AKAP6: variants seen among roughly 807,000 people sequenced by gnomAD.
AKAP6 encodes the protein A-kinase anchoring protein 6, also known as A-kinase anchor protein 6.
AKAP6 carries 58 observed loss-of-function variants against 188.5 expected under a neutral mutation model. That is an observed-to-expected ratio of 0.31 (90% CI 0.25 to 0.38). AKAP6 has a LOEUF of 0.38. Ranked by LOEUF, AKAP6 falls within the 10% of genes least tolerant of loss-of-function variation. The probability of loss-of-function intolerance (pLI) is 1.00; values close to 1 mark genes in which losing one functional copy is unlikely to be tolerated. For missense variants in AKAP6, 2,710 were observed against 2,740.0 expected (o/e 0.99, Z 0.24); for synonymous variants, 989 against 998.6 (o/e 0.99, Z 0.18).
intron 7 of AKAP6, among the ~76,000 whole-genome samples, chr14:32,629,010 A>G (rs576386729): frequency 1.3e-5 from 2 of 152,230 alleles, no homozygotes; most frequent in South Asian, 2.1e-4. Context: ...GAGAAATGGG[A>G]GGGATGTGCC....
intron 10 of AKAP6, 39 bp from the exon 11 acceptor site, chr14:32,735,619 T>TGGTC: frequency 1.4e-6 from 2 of 1,434,842 alleles, no homozygotes; most frequent in Non-Finnish European, 1.9e-6. Context: ...TTTTTTTGTT[T>TGGTC]GTTTGTTTTA....
rs35147196 is a variant in AKAP6, at chr14:32,330,713, A to ATTTTTT, written c.-35+1330_-35+1335dup. Among the ~76,000 whole-genome samples the ATTTTTT allele has an allele frequency of 3.7e-4, 23 of 62,414 alleles. 1 individual carries two copies. The highest frequency in any genetic ancestry group is 4.3e-4 in the Non-Finnish European group (15 of 34,952). 40.9% of individuals were successfully genotyped at this position (62,414 alleles called of 152,430 possible). Reference sequence around the variant, plus strand: ...CAATACCTTTAGCTAGCTTGGAGTGATTTTTTTTTTTTTTTTTTTTTTTTT... The same window carrying ATTTTTT: ...CAATACCTTTAGCTAGCTTGGAGTGATTTTTTTTTTTTTTTTTTTTTTTTTTTTTTT... On this transcript the variant is annotated intron_variant, in intron 1 of 13. Transcript: ENST00000280979.
chr14:32,447,007 T>C (rs1032225684), intron 2 of AKAP6, among the ~76,000 whole-genome samples: 1 of 152,202 alleles, frequency 6.6e-6, no homozygotes, highest in Admixed American at 6.5e-5. Flanking sequence ...AAGATAATTA[T>C]GTTTTCCTCT....
chr14:32,633,522 G>A (rs1280412380), intron 7 of AKAP6, among the ~76,000 whole-genome samples: 1 of 152,020 alleles, frequency 6.6e-6, no homozygotes, highest in Non-Finnish European at 1.5e-5. Flanking sequence ...TCAACTTTTA[G>A]CTTGGCTGGT....
chr14:32,786,338 T>C (rs1281741103), intron 12 of AKAP6, among the ~76,000 whole-genome samples: 1 of 133,360 alleles, frequency 7.5e-6, no homozygotes, highest in Non-Finnish European at 1.6e-5. Context: ...GACGGAATCT[T>C]GCTCTGTCGC....
chr14:32,494,092 A>C (rs1880182015), intron 2 of AKAP6, among the ~76,000 whole-genome samples: 1 of 152,216 alleles, frequency 6.6e-6, no homozygotes, highest in African/African-American at 2.4e-5. Context: ...ATGGCTATCC[A>C]TTCACGACAG....
intron 1 of AKAP6, among the ~76,000 whole-genome samples, chr14:32,381,337 C>G (rs1888353419): frequency 6.6e-6 from 1 of 151,298 alleles, no homozygotes; most frequent in African/African-American, 2.4e-5. Flanking sequence ...GAGACCCCAT[C>G]TCAAATAAAA....
intron 7 of AKAP6, among the ~76,000 whole-genome samples, chr14:32,635,561 G>T (rs547816847): frequency 6.6e-6 from 1 of 152,200 alleles, no homozygotes; most frequent in Admixed American, 6.5e-5. Flanking sequence ...CTGTCCTAGA[G>T]CTGGGAGCTA....
intron 9 of AKAP6, among the ~76,000 whole-genome samples, chr14:32,724,623 G>C (rs2030750041): frequency 6.6e-6 from 1 of 152,096 alleles, no homozygotes; most frequent in Admixed American, 6.5e-5. Flanking sequence ...TATATCCAGT[G>C]AGTTAGCCAG....
chr14:32,508,709 A>G (rs370840678), intron 2 of AKAP6, among the ~76,000 whole-genome samples: 1 of 152,362 alleles, frequency 6.6e-6, no homozygotes, highest in African/African-American at 2.4e-5. Flanking sequence ...TATGTTATTG[A>G]GTTAGAAAAA....
At chr14:32,657,597 GACTT>G (rs1888508347) in intron 7 of AKAP6, among the ~76,000 whole-genome samples, 1 of 152,018 alleles carries the variant, frequency 6.6e-6, no homozygotes, top group African/African-American at 2.4e-5. Context: ...GCTTACTAGA[GACTT>G]TGTTGTTTTT....
chr14:32,704,233 T>A (rs1172907165), intron 9 of AKAP6, among the ~76,000 whole-genome samples: 1 of 152,172 alleles, frequency 6.6e-6, no homozygotes, highest in Non-Finnish European at 1.5e-5. Context: ...AGGATAATAA[T>A]TAGAGTTTGC....
chr14:32,589,225 T>C (rs147954207), intron 5 of AKAP6, among the ~76,000 whole-genome samples: 2 of 152,234 alleles, frequency 1.3e-5, no homozygotes, highest in Non-Finnish European at 2.9e-5. Flanking sequence ...TCAGCCTTGA[T>C]GAGCAGGCTG....
At chr14:32,666,957 T>C (rs1413268927) in intron 7 of AKAP6, among the ~76,000 whole-genome samples, 2 of 152,144 alleles carry the variant, frequency 1.3e-5, no homozygotes, top group South Asian at 4.1e-4. Flanking sequence ...TTGTCTATAG[T>C]GCATTTTCTT....
intron 1 of AKAP6, among the ~76,000 whole-genome samples, chr14:32,348,321 G>A (rs1384589139): frequency 6.6e-6 from 1 of 151,960 alleles, no homozygotes; most frequent in African/African-American, 2.4e-5. Flanking sequence ...GTAAAAAGCA[G>A]GAATCCCAAA....
chr14:32,728,760 T>C (rs550788159), intron 9 of AKAP6, among the ~76,000 whole-genome samples: 1 of 152,222 alleles, frequency 6.6e-6, no homozygotes, highest in Non-Finnish European at 1.5e-5. Flanking sequence ...AGTCTTACAA[T>C]GGATGTCTTA....
At chr14:32,583,991 C>T (rs1193541014) in intron 5 of AKAP6, among the ~76,000 whole-genome samples, 4 of 152,210 alleles carry the variant, frequency 2.6e-5, no homozygotes, top group Non-Finnish European at 4.4e-5. Flanking sequence ...CACTGTCCTG[C>T]GCCCACTGTC....
intron 12 of AKAP6, among the ~76,000 whole-genome samples, chr14:32,792,587 C>A (rs952705106): frequency 2.6e-5 from 4 of 152,104 alleles, no homozygotes; most frequent in Non-Finnish European, 5.9e-5. Flanking sequence ...GACTTCCTCC[C>A]TTACTGTTTG....
At chr14:32,454,409 A>G (rs528689092) in intron 2 of AKAP6, among the ~76,000 whole-genome samples, 7 of 152,258 alleles carry the variant, frequency 4.6e-5, no homozygotes, top group Admixed American at 6.5e-5. Flanking sequence ...TTGTCCTTCT[A>G]TAGCAAGGCT....
Sources: allele counts gnomAD v4.1 joint callset (sites outside exome capture counted in the v4.1 genomes callset), GRCh38; gene constraint gnomAD v4.1.1; transcripts MANE v1.5; gene names NCBI Gene and HGNC (gene_info 2026-07-23, HGNC 2026-07-21).